The following AK5 variants were observed in gnomAD, a reference collection of about 807,000 sequenced individuals.
The protein encoded by AK5 is adenylate kinase isoenzyme 5.
AK5 carries 27 observed loss-of-function variants against 69.5 expected under a neutral mutation model. The observed-to-expected ratio is 0.39, with a 90% CI of 0.29 to 0.54. The LOEUF is 0.54. Ranked by LOEUF, AK5 falls within the 20% of genes least tolerant of loss-of-function variation. The pLI is 0.71. For missense variants in AK5, 531 were observed against 700.4 expected, an observed-to-expected ratio of 0.76 and a Z score of 2.73; for synonymous variants, 260 against 244.4, an observed-to-expected ratio of 1.06 and a Z score of -0.60.
At chr1:77,556,213 A>G (rs1436865664) in intron 13 of AK5, among the ~76,000 whole-genome samples, 1 of 152,246 alleles carries the variant, frequency 6.6e-6, no homozygotes, top group Admixed American at 6.5e-5. Context: ...AGAGAGTTGC[A>G]GAAGCTCCAC....
intron 9 of AK5, among the ~76,000 whole-genome samples, chr1:77,483,594 C>T (rs190928145): frequency 6.6e-5 from 10 of 152,166 alleles, no homozygotes; most frequent in African/African-American, 9.6e-5. Flanking sequence ...ACATGATTCC[C>T]GAGAGGCTCA....
At chr1:77,289,755 C>T (rs1658573424) in intron 2 of AK5, among the ~76,000 whole-genome samples, 2 of 146,738 alleles carry the variant, frequency 1.4e-5, no homozygotes, top group Admixed American at 7.0e-5. Flanking sequence ...CCCAGCTACT[C>T]GGGAGGCTGA....
intron 13 of AK5, among the ~76,000 whole-genome samples, chr1:77,543,536 T>TC (rs72506824): frequency 2.9e-4 from 44 of 151,396 alleles, no homozygotes; most frequent in Middle Eastern, 3.4e-3. Context: ...TATTTTTTTT[T>TC]TATTGTTTGT....
chr1:77,516,985 C>T (rs1557648899), intron 10 of AK5, among the ~76,000 whole-genome samples: 1 of 151,040 alleles, frequency 6.6e-6, no homozygotes, highest in Non-Finnish European at 1.5e-5. Flanking sequence ...GCAGGAGAAT[C>T]ACTTGAACCT....
At chr1:77,294,006 T>C in intron 3 of AK5, 46 bp downstream of exon 3, 1 of 1,553,986 alleles carries the variant, frequency 6.4e-7, no homozygotes, top group Non-Finnish European at 8.7e-7. Flanking sequence ...GCTGCCTTTG[T>C]TTATATATTT....
intron 10 of AK5, among the ~76,000 whole-genome samples, chr1:77,510,432 A>G (rs17380796): frequency 0.2 from 30,526 of 152,076 alleles, 3,255 homozygotes; most frequent in Non-Finnish European, 0.22. Flanking sequence ...CAATTTCAGA[A>G]TGTGATGAGG....
At chr1:77,327,671 A>T (rs182771687) in intron 5 of AK5, among the ~76,000 whole-genome samples, 6 of 152,310 alleles carry the variant, frequency 3.9e-5, no homozygotes, top group Non-Finnish European at 7.4e-5. Context: ...TGTATTTTTT[A>T]ACTTTACTCA....
At position 77,475,418 on chromosome 1, in the gene AK5, CTATATATTATATATATGTA is replaced by C. The variant is rs1557620012; in HGVS notation, c.1060-7882_1060-7864del. The stretch of plus-strand genomic sequence containing the variant: ...TATATAATATATATGTATATATATA[CTATATATTATATATATGTA>C]TATATATTATATATATACAAATATA... On this transcript the variant is annotated intron_variant, in intron 8 of 13. Coordinates refer to ENST00000354567, the MANE Select transcript of AK5 (RefSeq NM_174858.3). 3.0e-3 allele frequency among the ~76,000 whole-genome samples: 244 copies of C among 82,006 alleles called. 24 individuals are homozygous for C. Among genetic ancestry groups the C allele is most frequent in the Middle Eastern group, 6.5e-3 (1 of 154 alleles). The allele number at this position is 82,006 out of a possible 152,430, so 53.8% of individuals were successfully genotyped here.
rs35137146 is a variant in AK5, at chr1:77,475,167, G to GTA, written c.1060-8122_1060-8121dup. 6.0e-3 allele frequency among the ~76,000 whole-genome samples: 540 copies of GTA among 89,868 alleles called. 4 individuals are homozygous for GTA. Among genetic ancestry groups the GTA allele is most frequent in the African/African-American group, 0.016 (407 of 25,416 alleles). 59.0% of individuals were successfully genotyped at this position (89,868 alleles called of 152,430 possible). On this transcript the variant is annotated intron_variant, in intron 8 of 13. Coordinates refer to ENST00000354567, the MANE Select transcript of AK5 (RefSeq NM_174858.3). Reference sequence around the variant, plus strand: ...TTGCTAGGAGTATGTGTGTGTGCATGTATATATATATATATATATATATAT... The same window carrying GTA: ...TTGCTAGGAGTATGTGTGTGTGCATGTATATATATATATATATATATATATAT...
At chr1:77,355,678 T>C (rs1294372658) in intron 6 of AK5, among the ~76,000 whole-genome samples, 1 of 152,144 alleles carries the variant, frequency 6.6e-6, no homozygotes, top group African/African-American at 2.4e-5. Flanking sequence ...TTCTTTATGA[T>C]TCTACCATCT....
Position 77,513,545 on chromosome 1 carries a change from A to G in AK5, c.1148-5019A>G, listed in dbSNP as rs114703860. On this transcript the variant is annotated intron_variant, in intron 10 of 13. Transcript: ENST00000354567. ...TAGTAAGATGCAATAAAATGTCAAC[A>G]AAAGTCATTTTAGGCCAGGCCCAGT... Among the ~76,000 whole-genome samples, 638 of 152,366 alleles carry G rather than the reference A, an allele frequency of 4.2e-3. 2 individuals are homozygous for G. The highest frequency in any genetic ancestry group is 0.015 in the African/African-American group (619 of 41,596).
At chr1:77,415,033 A>G (rs1650319482) in intron 7 of AK5, among the ~76,000 whole-genome samples, 1 of 152,108 alleles carries the variant, frequency 6.6e-6, no homozygotes, top group Non-Finnish European at 1.5e-5. Flanking sequence ...GTTTCAAGAA[A>G]TTTCATCCCT....
chr1:77,476,261 C>T (rs375795701), intron 8 of AK5, among the ~76,000 whole-genome samples: 20 of 144,866 alleles, frequency 1.4e-4, no homozygotes, highest in African/African-American at 4.7e-4. Context: ...AAATTACACA[C>T]CATTTCCCAT....
intron 5 of AK5, among the ~76,000 whole-genome samples, chr1:77,309,828 A>G (rs966490220): frequency 1.3e-5 from 2 of 152,080 alleles, no homozygotes; most frequent in African/African-American, 4.8e-5. Flanking sequence ...TTGAGTTTTT[A>G]AAATCGATTT....
chr1:77,444,175 A>C (rs576628825), intron 8 of AK5, among the ~76,000 whole-genome samples: 17 of 140,128 alleles, frequency 1.2e-4, no homozygotes, highest in East Asian at 6.1e-4. Flanking sequence ...CTCTCTCTCT[A>C]TATATATGTC....
intron 5 of AK5, among the ~76,000 whole-genome samples, chr1:77,329,665 T>C (rs553648018): frequency 2.0e-5 from 3 of 152,330 alleles, no homozygotes; most frequent in African/African-American, 7.2e-5. Flanking sequence ...TGTGAAACTT[T>C]GTTATCAAAT....
chr1:77,516,251 G>A (rs889219522), intron 10 of AK5, among the ~76,000 whole-genome samples: 6 of 152,254 alleles, frequency 3.9e-5, no homozygotes, highest in Non-Finnish European at 8.8e-5. Flanking sequence ...CGTGTACGTG[G>A]AATCATAAAA....
chr1:77,551,224 A>AACACAC (rs3077617), intron 13 of AK5, among the ~76,000 whole-genome samples: 1 of 149,872 alleles, frequency 6.7e-6, no homozygotes, highest in African/African-American at 2.5e-5. Flanking sequence ...GGCCTTTCCC[A>AACACAC]ACACACACAC....
intron 8 of AK5, among the ~76,000 whole-genome samples, chr1:77,453,634 G>A (rs919638796): frequency 3.9e-5 from 6 of 152,164 alleles, no homozygotes; most frequent in Non-Finnish European, 8.8e-5. Context: ...AAACAGCAGG[G>A]GAGAAAGTGA....
Sources: gnomAD v4.1 joint callset for allele counts (sites outside exome capture counted in the v4.1 genomes callset) on GRCh38, gnomAD v4.1.1 for gene constraint, MANE v1.5 for transcripts, NCBI Gene and HGNC (gene_info 2026-07-23, HGNC 2026-07-21) for gene names.